PPM1G: variants seen among roughly 807,000 people sequenced by gnomAD.
The protein encoded by PPM1G is protein phosphatase, Mg2+/Mn2+ dependent 1G.
Under a neutral mutation model 59.4 loss-of-function variants are expected in PPM1G, and 12 were observed. The ratio of observed to expected loss-of-function variants is 0.20; its 90% confidence interval spans 0.13 to 0.33. The LOEUF is 0.33. Ranked by LOEUF, PPM1G falls within the 10% of genes least tolerant of loss-of-function variation. PPM1G has a pLI of 1.00. For missense variants in PPM1G, 392 were observed against 681.3 expected, an observed-to-expected ratio of 0.58 and a Z score of 4.73; for synonymous variants, 245 against 251.9, an observed-to-expected ratio of 0.97 and a Z score of 0.26.
In PPM1G at chr2:27,384,773, G is replaced by A; in HGVS notation, c.725C>T (p.Ser242Phe). Residue 242 changes from serine (S) to phenylalanine (F), a missense_variant, in exon 5 of 10, where the codon TCT (serine) becomes TTT (phenylalanine). Ser to Phe is a radical substitution (Grantham distance 155, BLOSUM62 -2). Coordinates refer to ENST00000344034, the MANE Select transcript of PPM1G (RefSeq NM_177983.3). This position sits in a 1 kb window ranked among gnomAD's most constrained non-coding sequence, Gnocchi z 4.8. ...TCGAGGCAGCTTGTCAGAGGCTGAA[G>A]AGCAGGAAGGCCCAGCCTCACCAGT... ...IPTGEAGPSC[S>F]SASDKLPRVA... 6.2e-7 allele frequency: 1 copy of A among 1,614,200 alleles called. No homozygotes were observed. Among genetic ancestry groups the A allele is most frequent in the Non-Finnish European group, 8.5e-7 (1 of 1,180,044 alleles).
intron 1 of PPM1G, among the ~76,000 whole-genome samples, chr2:27,388,051 G>T (rs951016581): frequency 6.6e-6 from 1 of 151,722 alleles, no homozygotes; most frequent in African/African-American, 2.4e-5. Flanking sequence ...ACCCGCCTCA[G>T]TCTCCCAAAG....
rs1450137607 is a variant in PPM1G, at chr2:27,384,850, G to A, written c.648C>T (p.Ser216=). Reference sequence around the variant, plus strand: ...CTGCCTCAGTCCCACGTTCCGAGTTGGAGGAAAAGCCTGTGTAGGCCTTGG... The same window carrying A: ...CTGCCTCAGTCCCACGTTCCGAGTTAGAGGAAAAGCCTGTGTAGGCCTTGG... The part of the protein sequence containing the change: ...PTAKAYTGFS[S]NSERGTEAGQ... The change falls in exon 5 of 10, where the codon TCC becomes TCT. Residue 216 remains serine, a synonymous_variant. Transcript: ENST00000344034. The surrounding 1 kb of genome is among the most constrained non-coding windows in gnomAD (Gnocchi z 4.8). 6.2e-7 allele frequency: 1 copy of A among 1,614,210 alleles called. No homozygotes were observed. Among genetic ancestry groups the A allele is most frequent in the Non-Finnish European group, 8.5e-7 (1 of 1,180,038 alleles).
chr2:27,396,979 C>T (rs1684067139), intron 1 of PPM1G, among the ~76,000 whole-genome samples: 1 of 152,042 alleles, frequency 6.6e-6, no homozygotes, highest in African/African-American at 2.4e-5. Flanking sequence ...AAGTGATTCT[C>T]CCTCCTCAGC....
At chr2:27,392,840 C>T (rs532446629) in intron 1 of PPM1G, 80 of 1,478,006 alleles carry the variant, frequency 5.4e-5, no homozygotes, top group South Asian at 1.9e-4. Flanking sequence ...TATTCTGCCA[C>T]GCCAGATTCG....
At chr2:27,404,558 A>G (rs1663296314) in intron 1 of PPM1G, among the ~76,000 whole-genome samples, 1 of 151,992 alleles carries the variant, frequency 6.6e-6, no homozygotes, top group African/African-American at 2.4e-5. Flanking sequence ...TCAAAAAAAA[A>G]AAAAATTCCT....
intron 2 of PPM1G, 93 bp from the exon 3 acceptor site, chr2:27,386,372 AG>A: frequency 1.1e-6 from 1 of 887,510 alleles, no homozygotes. Flanking sequence ...GTGAACCCCA[AG>A]GGTTGAGGGG....
intron 1 of PPM1G, among the ~76,000 whole-genome samples, chr2:27,406,100 G>C (rs1167351462): frequency 1.3e-5 from 2 of 152,176 alleles, no homozygotes; most frequent in Non-Finnish European, 2.9e-5. Context: ...AGCTATTGAT[G>C]ATTGCCATTT....
At chr2:27,399,176 C>CAACA (rs1266218103) in intron 1 of PPM1G, among the ~76,000 whole-genome samples, 3 of 144,500 alleles carry the variant, frequency 2.1e-5, no homozygotes, top group East Asian at 3.9e-4. Context: ...ACAACAAAAA[C>CAACA]AAAACAAAAA....
At position 27,381,691 on chromosome 2, in the gene PPM1G, T is replaced by A; in HGVS notation, c.1549A>T (p.Ser517Cys). 5.0e-6 allele frequency: 8 copies of A among 1,614,012 alleles called. No individual in the cohort carries two copies. Among genetic ancestry groups the A allele is most frequent in the Non-Finnish European group, 6.8e-6 (8 of 1,180,012 alleles). Reference sequence around the variant, plus strand: ...ACCTCCTCTAGTTTTCGCTTGCCACTCTCTGGCTGGAGCTCTGCTGTGTTT... The same window carrying A: ...ACCTCCTCTAGTTTTCGCTTGCCACACTCTGGCTGGAGCTCTGCTGTGTTT... ...PRNTAELQPE[S>C]GKRKLEEVLS... Residue 517 changes from serine to cysteine, a missense_variant, in exon 10 of 10, where the codon AGT becomes TGT. Ser to Cys is a moderately radical substitution (Grantham distance 112). Around this residue, in one of 6 missense-constraint regions of PPM1G, gnomAD observed 49 missense variants for 43.4 expected, o/e 1.13. Coordinates refer to ENST00000344034, the MANE Select transcript of PPM1G (RefSeq NM_177983.3).
In PPM1G at chr2:27,393,420, G is replaced by A. The variant is rs1683967721; in HGVS notation, c.121-6262C>T. ...GCGGCAGTGGTGGCTACGCGGCGCT[G>A]GAGCTGCGGCGGGGGCCTTGGGGCA... On this transcript the variant is annotated intron_variant, in intron 1 of 9. Coordinates refer to ENST00000344034, the MANE Select transcript of PPM1G (RefSeq NM_177983.3). The A allele has an allele frequency of 5.9e-6, 7 of 1,177,420 alleles. No individual in the cohort carries two copies. In the African/African-American group the frequency reaches 7.6e-5, roughly 13 times the overall value. The allele number at this position is 1,177,420 out of a possible 1,614,324, so 72.9% of individuals were successfully genotyped here. A position where few individuals can be genotyped will look rare whatever the true frequency, so the allele number is the denominator to read the frequency against.
intron 1 of PPM1G, 69 bp downstream of exon 1, chr2:27,409,234 T>TC: frequency 6.7e-7 from 1 of 1,497,726 alleles, no homozygotes; most frequent in Non-Finnish European, 8.9e-7. Flanking sequence ...GAGGACCCCA[T>TC]CCCCCGCTCT....
chr2:27,391,825 G>A (rs188068144), intron 1 of PPM1G, among the ~76,000 whole-genome samples: 2 of 150,924 alleles, frequency 1.3e-5, no homozygotes, highest in Admixed American at 1.3e-4. Flanking sequence ...TCTGCCTCTC[G>A]GGTTCAAGCA....
chr2:27,384,999 C>G lies in PPM1G; in HGVS notation c.499G>C (p.Gly167Arg), dbSNP rs750957890. Reference protein sequence around the residue: ...LTRYGQNCHKGPPHSKSGGGT... With the variant: ...LTRYGQNCHKRPPHSKSGGGT... ...CCTCCAGATTTGCTGTGGGGAGGGC[C>G]CTTGTGACAGTTCTGCCCGTAGCGT... Residue 167 changes from glycine to arginine, a missense_variant, in exon 5 of 10, where the codon GGC becomes CGC. By Grantham distance (125) the Gly-to-Arg change is moderately radical. Transcript: ENST00000344034. The surrounding 1 kb of genome is among the most constrained non-coding windows in gnomAD (Gnocchi z 4.8). 6.2e-7 allele frequency: 1 copy of G among 1,614,018 alleles called. No individual in the cohort carries two copies. Among genetic ancestry groups the G allele is most frequent in the Non-Finnish European group, 8.5e-7 (1 of 1,180,036 alleles).
At position 27,409,396 on chromosome 2, in the gene PPM1G, G is replaced by T. The variant is rs1011893942; in HGVS notation, c.27C>A (p.Asn9Lys). 7 of 1,537,698 alleles carry T rather than the reference G, an allele frequency of 4.6e-6. No individual in the cohort carries two copies. Among genetic ancestry groups the T allele is most frequent in the Admixed American group, 2.0e-5 (1 of 50,288 alleles). MGAYLSQP[N>K]TVKCSGDGVG... is the part of the protein sequence containing the mutation. ...CCCCGTCCCCGGAGCACTTCACCGT[G>T]TTGGGCTGGGAGAGGTAGGCACCCA... Residue 9 changes from asparagine to lysine, a missense_variant, in exon 1 of 10, where the codon AAC becomes AAA. Asn to Lys is a moderately conservative substitution (Grantham distance 94). Coordinates refer to ENST00000344034, the MANE Select transcript of PPM1G (RefSeq NM_177983.3).
chr2:27,405,470 T>C (rs1663333824), intron 1 of PPM1G, among the ~76,000 whole-genome samples: 1 of 151,190 alleles, frequency 6.6e-6, no homozygotes, highest in Non-Finnish European at 1.5e-5. Flanking sequence ...TGTTTGTTTT[T>C]TTGAGACGGA....
intron 1 of PPM1G, among the ~76,000 whole-genome samples, chr2:27,403,884 AAGAG>A (rs1171788373): frequency 5.9e-5 from 9 of 152,062 alleles, no homozygotes; most frequent in East Asian, 1.9e-4. Context: ...AAAAAAAAAA[AAGAG>A]AGAGAGAGAG....
intron 1 of PPM1G, chr2:27,393,413 C>T: frequency 3.2e-6 from 4 of 1,258,598 alleles, no homozygotes; most frequent in Non-Finnish European, 4.5e-6. Context: ...GGTGGCTACG[C>T]GGCGCTGGAG....
chr2:27,391,732 CTT>C (rs1683909795), intron 1 of PPM1G, among the ~76,000 whole-genome samples: 1 of 149,360 alleles, frequency 6.7e-6, no homozygotes, highest in Admixed American at 6.7e-5. Flanking sequence ...TTCTTTTTTT[CTT>C]TCTTTTTTTT....
At chr2:27,392,232 C>G (rs1444444617) in intron 1 of PPM1G, among the ~76,000 whole-genome samples, 2 of 151,286 alleles carry the variant, frequency 1.3e-5, no homozygotes, top group Non-Finnish European at 2.9e-5. Context: ...GTCCTGCATG[C>G]AGTCCTTCAT....
Sources: allele counts gnomAD v4.1 joint callset (sites outside exome capture counted in the v4.1 genomes callset), GRCh38; gene constraint gnomAD v4.1.1; regional missense constraint gnomAD v4.1.1; non-coding constraint Gnocchi (gnomAD v3.1); transcripts MANE v1.5; gene names NCBI Gene and HGNC (gene_info 2026-07-23, HGNC 2026-07-21).